Variants in FAT1 observed in about 807,000 individuals in gnomAD.
FAT1 encodes FAT atypical cadherin 1.
FAT1 carries 171 observed loss-of-function variants against 329.8 expected under a neutral mutation model. The observed-to-expected ratio is 0.52, with a 90% CI of 0.46 to 0.59. FAT1 has a LOEUF of 0.59. FAT1 is among the 20% of genes least tolerant of loss of function. The pLI, the probability that FAT1 is intolerant of heterozygous loss-of-function variation, is 0.00. For synonymous variants in FAT1, 2,233 were observed against 2,228.6 expected (o/e 1.00, Z -0.06); for missense variants, 5,672 against 5,774.4 (o/e 0.98, Z 0.57).
At chr4:186,725,071 C>T (rs1053654834), upstream of FAT1, among the ~76,000 whole-genome samples, 17 of 152,048 alleles carry the variant, frequency 1.1e-4, no homozygotes, top group African/African-American at 3.9e-4. This position sits in a 1 kb window ranked among gnomAD's most constrained non-coding sequence, Gnocchi z 5.4. Flanking sequence ...GATTCGTAGC[C>T]CTATATTCCC....
At chr4:186,697,397 C>A (rs73015642) in intron 2 of FAT1, among the ~76,000 whole-genome samples, 1 of 152,068 alleles carries the variant, frequency 6.6e-6, no homozygotes. Flanking sequence ...TGTGCGCGGA[C>A]GGTCCAGAAA....
Position 186,723,845 on chromosome 4 carries a change from C to G in FAT1, c.-200G>C, listed in dbSNP as rs1250684255. On this transcript the variant is annotated 5_prime_UTR_variant, in exon 1 of 27. Coordinates refer to ENST00000441802, the MANE Select transcript of FAT1 (RefSeq NM_005245.4). ...GCCCGGCCGCCCAGCTCGGCGCCGG[C>G]GCCTCACGCTCCCCGAGCGCAGGAG... 3 of 148,520 alleles carry G rather than the reference C, an allele frequency of 2.0e-5. No individual in the cohort carries two copies. The East Asian group carries it at 6.1e-4, about 30-fold the overall frequency. The allele number at this position is 148,520 out of a possible 1,614,324, so 9.2% of individuals were successfully genotyped here.
At chr4:186,625,885 A>G (rs1043397639) in intron 9 of FAT1, among the ~76,000 whole-genome samples, 20 of 152,238 alleles carry the variant, frequency 1.3e-4, no homozygotes, top group African/African-American at 4.3e-4. Context: ...CCTACGTACC[A>G]TGCCCAGGAG....
intron 1 of FAT1, among the ~76,000 whole-genome samples, chr4:186,716,243 T>C (rs796166202): frequency 1.3e-5 from 2 of 152,308 alleles, no homozygotes; most frequent in African/African-American, 4.8e-5. Context: ...TCACATGTTA[T>C]GATAAAAACA....
At chr4:186,725,764 CCCCA>C (rs1311718267), upstream of FAT1, among the ~76,000 whole-genome samples, 1 of 152,158 alleles carries the variant, frequency 6.6e-6, no homozygotes, top group Non-Finnish European at 1.5e-5. This position sits in a 1 kb window ranked among gnomAD's most constrained non-coding sequence, Gnocchi z 5.4. Flanking sequence ...CTAACCCTGT[CCCCA>C]AAGGCTCGTG....
At chr4:186,612,773 T>C (rs551661473) in intron 13 of FAT1, among the ~76,000 whole-genome samples, 1 of 152,208 alleles carries the variant, frequency 6.6e-6, no homozygotes, top group Non-Finnish European at 1.5e-5. Flanking sequence ...GCTTCCATTA[T>C]GTTGCAATGA....
chr4:186,675,779 TAA>T (rs1491294159), intron 2 of FAT1, among the ~76,000 whole-genome samples: 1 of 111,454 alleles, frequency 9.0e-6, no homozygotes, highest in Admixed American at 1.1e-4. Context: ...CGACCCTGTC[TAA>T]AACACACACA....
At chr4:186,657,995 TG>T (rs886323418) in intron 3 of FAT1, among the ~76,000 whole-genome samples, 3 of 152,216 alleles carry the variant, frequency 2.0e-5, no homozygotes, top group African/African-American at 7.2e-5. Context: ...GTGATGCTTT[TG>T]TTTGCAGGCG....
rs765325956 is a variant in FAT1, at chr4:186,620,243, C to T, written c.6343G>A (p.Glu2115Lys). The change falls in exon 10 of 27, where the codon GAA (glutamate) becomes AAA (lysine). Residue 2115 changes from glutamate (E) to lysine (K), a missense_variant. Physicochemically the swap from Glu to Lys is moderately conservative, Grantham distance 56. Coordinates refer to ENST00000441802, the MANE Select transcript of FAT1 (RefSeq NM_005245.4). The part of the protein sequence containing the change: ...AVDRDSGRNG[E>K]VHYYLKEHHE... Reference sequence around the variant, plus strand: ...TGTTCCTTGAGGTAGTAATGCACTTCCCCGTTTCTGCCACTGTCTCTGTCT... The same window carrying T: ...TGTTCCTTGAGGTAGTAATGCACTTTCCCGTTTCTGCCACTGTCTCTGTCT... The T allele has an allele frequency of 1.9e-6, 3 of 1,613,902 alleles. No homozygotes were observed. The highest frequency in any genetic ancestry group is 2.2e-5 in the East Asian group (1 of 44,894).
At chr4:186,676,820 G>C (rs1742978844) in intron 2 of FAT1, among the ~76,000 whole-genome samples, 2 of 152,152 alleles carry the variant, frequency 1.3e-5, no homozygotes, top group African/African-American at 4.8e-5. Flanking sequence ...TCTAAGGTTT[G>C]TTTAGGCACC....
Position 186,706,787 on chromosome 4 carries a change from GA to G in FAT1, c.3040del (p.Ser1014LeufsTer12). Reference sequence around the variant, plus strand: ...CACCTCAACTTCAACATAGCAAGTAGAAGACAGAGAAACTGGCTTTCCCTTG... The same window carrying G: ...CACCTCAACTTCAACATAGCAAGTAGAGACAGAGAAACTGGCTTTCCCTTG... ...KDKGKPVSLS[S>X]TCYVEVEVVD... is the part of the protein sequence containing the mutation. On this transcript the variant is annotated frameshift_variant, in exon 2 of 27. Transcript: ENST00000441802. LOFTEE classifies it high-confidence loss of function. 1 of 1,614,012 alleles carries G rather than the reference GA, an allele frequency of 6.2e-7. No individual in the cohort carries two copies. The highest frequency in any genetic ancestry group is 8.5e-7 in the Non-Finnish European group (1 of 1,179,896).
At chr4:186,686,244 C>A (rs141421502) in intron 2 of FAT1, among the ~76,000 whole-genome samples, 1 of 148,002 alleles carries the variant, frequency 6.8e-6, no homozygotes, top group East Asian at 2.0e-4. Flanking sequence ...TTTCACCCCC[C>A]CCCGACATTC....
At chr4:186,723,100 A>T (rs1253167748) in intron 1 of FAT1, among the ~76,000 whole-genome samples, 1 of 152,240 alleles carries the variant, frequency 6.6e-6, no homozygotes, top group Non-Finnish European at 1.5e-5. Flanking sequence ...AAAAGATCTT[A>T]GAAGTTCCTC....
rs769499643 is a variant in FAT1, at chr4:186,636,223, C to T, written c.3985G>A (p.Asp1329Asn). 6.2e-7 allele frequency: 1 copy of T among 1,613,948 alleles called. No individual in the cohort carries two copies. Among genetic ancestry groups the T allele is most frequent in the South Asian group, 1.1e-5 (1 of 91,076 alleles). ...EYDILSIKAVDNGRPQKSSTT... is the reference protein window; with the variant it reads ...EYDILSIKAVNNGRPQKSSTT... ...GATGACTTTTGAGGGCGACCATTGT[C>T]AACTGCCTTAATCTACAACATTTGG... Residue 1329 changes from aspartate to asparagine, a missense_variant, in exon 6 of 27, where the codon GAC (aspartate) becomes AAC (asparagine). Asp to Asn is a conservative substitution (Grantham distance 23). Around this residue, in one of 2 missense-constraint regions of FAT1, gnomAD observed 3,966 missense variants for 3,915.2 expected, o/e 1.01. Coordinates refer to ENST00000441802, the MANE Select transcript of FAT1 (RefSeq NM_005245.4).
At position 186,636,231 on chromosome 4, in the gene FAT1, T is replaced by G. The variant is rs772135919; in HGVS notation, c.3977A>C (p.Lys1326Thr). The G allele has an allele frequency of 6.2e-7, 1 of 1,613,598 alleles. No homozygotes were observed. The highest frequency in any genetic ancestry group is 8.5e-7 in the Non-Finnish European group (1 of 1,179,608). Residue 1326 changes from lysine (K) to threonine (T), a missense_variant, in exon 6 of 27, where the codon AAG (lysine) becomes ACG (threonine). Around this residue, in one of 2 missense-constraint regions of FAT1, gnomAD observed 3,966 missense variants for 3,915.2 expected, o/e 1.01. Transcript: ENST00000441802. ...TTGAGGGCGACCATTGTCAACTGCC[T>G]TAATCTACAACATTTGGGCAGAGGG... ...AAGEYDILSI[K>T]AVDNGRPQKS... is the part of the protein sequence containing the mutation.
rs544799226 is a variant in FAT1, at chr4:186,596,970, T to C, written c.12570A>G (p.Ala4190=). The change falls in exon 25 of 27, where the codon GCA becomes GCG. Residue 4190 remains alanine, a synonymous_variant. Coordinates refer to ENST00000441802, the MANE Select transcript of FAT1 (RefSeq NM_005245.4). This position sits in a 1 kb window ranked among gnomAD's most constrained non-coding sequence, Gnocchi z 4.7. The part of the protein sequence containing the change: ...AEGIGIVVFV[A]GIFLLVVVFV... ...ACACCACCACCAGTAAAAATATCCC[T>C]GCAACAAACACAACGATTCCAATTC... The C allele has an allele frequency of 2.3e-4, 365 of 1,614,042 alleles. 6 individuals carry two copies. The South Asian group carries it at 3.9e-3, about 17-fold the overall frequency.
chr4:186,708,177 C>T lies in FAT1; in HGVS notation c.1651G>A (p.Val551Ile). ...SDWGLPYRREVEVLATITLNN... is the reference protein window; with the variant it reads ...SDWGLPYRREIEVLATITLNN... ...AGAGTAATTGTAGCAAGGACTTCGA[C>T]TTCCCGGCGGTACGGCAAGCCCCAG... Residue 551 changes from valine to isoleucine, a missense_variant, in exon 2 of 27, where the codon GTC (valine) becomes ATC (isoleucine). Physicochemically the swap from Val to Ile is conservative, Grantham distance 29 (BLOSUM62 3). This residue lies in a region of FAT1 where 3,966 missense variants were observed against 3,915.2 expected (regional missense o/e 1.01). Transcript: ENST00000441802. The T allele has an allele frequency of 1.2e-6, 2 of 1,614,016 alleles. No individual in the cohort carries two copies. Among genetic ancestry groups the T allele is most frequent in the Non-Finnish European group, 1.7e-6 (2 of 1,179,888 alleles).
intron 2 of FAT1, among the ~76,000 whole-genome samples, chr4:186,692,370 T>C (rs376868085): frequency 4.6e-5 from 7 of 152,268 alleles, no homozygotes; most frequent in South Asian, 2.1e-4. Context: ...TGGAGTGCAG[T>C]GGCGCAATCT....
In FAT1 at chr4:186,697,399, G is replaced by A. The variant is rs73873698; in HGVS notation, c.3265+9164C>T. Among the ~76,000 whole-genome samples, 1,472 of 152,326 alleles carry A rather than the reference G, an allele frequency of 9.7e-3. 20 individuals carry two copies. The highest frequency in any genetic ancestry group is 0.033 in the African/African-American group (1,358 of 41,576). The stretch of plus-strand genomic sequence containing the variant: ...GCACAGATGTGGGTGTGCGCGGACG[G>A]TCCAGAAACCGATCCCCATGCTCTC... On this transcript the variant is annotated intron_variant, in intron 2 of 26. Coordinates refer to ENST00000441802, the MANE Select transcript of FAT1 (RefSeq NM_005245.4).
Sources: allele counts gnomAD v4.1 joint callset (sites outside exome capture counted in the v4.1 genomes callset), GRCh38; gene constraint gnomAD v4.1.1; regional missense constraint gnomAD v4.1.1; non-coding constraint Gnocchi (gnomAD v3.1); transcripts MANE v1.5; gene names NCBI Gene and HGNC (gene_info 2026-07-23, HGNC 2026-07-21).